KLF12: variants seen among roughly 807,000 people sequenced by gnomAD.
KLF12 encodes KLF transcription factor 12, also known as Krueppel-like factor 12.
Under a neutral mutation model 37.8 loss-of-function variants are expected in KLF12, and 9 were observed. That is an observed-to-expected ratio of 0.24 (90% CI 0.14 to 0.42). The LOEUF is 0.42. Among genes scored for constraint, KLF12 ranks in the 10% least tolerant of loss-of-function variants. KLF12 has a pLI of 1.00. For synonymous variants in KLF12, 208 were observed against 202.1 expected, an observed-to-expected ratio of 1.03 and a Z score of -0.25; for missense variants, 411 against 516.0, an observed-to-expected ratio of 0.80 and a Z score of 1.97.
At chr13:74,139,353 A>G in the KLF12 span, among the ~76,000 whole-genome samples, 1 of 152,210 alleles carries the variant, frequency 6.6e-6, no homozygotes, top group Non-Finnish European at 1.5e-5. Context: ...TGTTTTGCAC[A>G]TAGTAGGTGA....
chr13:74,249,337 C>CAA, the KLF12 span, among the ~76,000 whole-genome samples: 2 of 19,980 alleles, frequency 1.0e-4, no homozygotes, highest in Admixed American at 5.2e-4. Flanking sequence ...GCAGGAGCAT[C>CAA]ACACACACAC....
chr13:74,042,850 C>T (rs1893443277), intron 1 of KLF12, among the ~76,000 whole-genome samples: 1 of 152,092 alleles, frequency 6.6e-6, no homozygotes, highest in South Asian at 2.1e-4. Flanking sequence ...CAAATTAAAA[C>T]AGACAGCACA....
At chr13:73,899,105 C>G (rs767115352) in intron 3 of KLF12, among the ~76,000 whole-genome samples, 16 of 152,226 alleles carry the variant, frequency 1.1e-4, no homozygotes, top group Non-Finnish European at 2.1e-4. Context: ...AGGAGGCCCC[C>G]CAGTTGGGGC....
intron 6 of KLF12, 43 bp from the exon 7 acceptor site, chr13:73,715,568 G>GC (rs36125333): frequency 6.3e-7 from 1 of 1,593,192 alleles, no homozygotes; most frequent in South Asian, 1.1e-5. Context: ...GATGCACACC[G>GC]CCCCATTTTG....
At chr13:73,920,270 T>A (rs1240559469) in intron 3 of KLF12, among the ~76,000 whole-genome samples, 2 of 152,162 alleles carry the variant, frequency 1.3e-5, no homozygotes, top group Non-Finnish European at 2.9e-5. Context: ...TGCATAAACA[T>A]ACACATATGT....
At chr13:73,716,963 C>A (rs182801420) in intron 6 of KLF12, among the ~76,000 whole-genome samples, 6 of 152,110 alleles carry the variant, frequency 3.9e-5, no homozygotes, top group South Asian at 2.1e-4. Flanking sequence ...CATAAAGTAA[C>A]GGTGCATTTT....
chr13:73,939,590 A>G (rs1890099273), intron 3 of KLF12, among the ~76,000 whole-genome samples: 1 of 152,310 alleles, frequency 6.6e-6, no homozygotes, highest in Non-Finnish European at 1.5e-5. Context: ...AATCTCTACT[A>G]GATACTTCAT....
intron 5 of KLF12, among the ~76,000 whole-genome samples, chr13:73,770,604 C>A (rs1037413505): frequency 1.3e-5 from 2 of 151,574 alleles, no homozygotes; most frequent in African/African-American, 2.4e-5. Flanking sequence ...CTCACTGAAA[C>A]CTCTGCCTCC....
chr13:73,820,271 C>T (rs1218972888), intron 4 of KLF12, among the ~76,000 whole-genome samples: 1 of 152,170 alleles, frequency 6.6e-6, no homozygotes, highest in Non-Finnish European at 1.5e-5. Context: ...GCTGGCTGCA[C>T]ACAGAATCAG....
At chr13:73,758,231 A>T (rs113244923) in intron 6 of KLF12, among the ~76,000 whole-genome samples, 2,001 of 152,204 alleles carry the variant, frequency 0.013, 21 homozygotes, top group South Asian at 0.039. Context: ...GACAACTTTA[A>T]AAGGAAGAGG....
At chr13:74,251,180 C>T in the KLF12 span, among the ~76,000 whole-genome samples, 1 of 151,982 alleles carries the variant, frequency 6.6e-6, no homozygotes, top group Non-Finnish European at 1.5e-5. Context: ...GAGATGGAGT[C>T]TAATTCTATC....
the KLF12 span, among the ~76,000 whole-genome samples, chr13:74,164,988 A>G: frequency 6.6e-6 from 1 of 152,222 alleles, no homozygotes; most frequent in Admixed American, 6.5e-5. Context: ...AGTATTTGAT[A>G]GCACAACAGG....
At chr13:73,905,773 G>A (rs571948330) in intron 3 of KLF12, among the ~76,000 whole-genome samples, 1 of 149,704 alleles carries the variant, frequency 6.7e-6, no homozygotes, top group East Asian at 1.9e-4. Context: ...TCCATCAGAA[G>A]TTTTTAAATG....
intron 5 of KLF12, among the ~76,000 whole-genome samples, chr13:73,774,438 G>A (rs1461489840): frequency 1.3e-5 from 2 of 151,990 alleles, no homozygotes; most frequent in South Asian, 2.1e-4. Flanking sequence ...ACCTGCATCG[G>A]CCCACACCTG....
the KLF12 span, among the ~76,000 whole-genome samples, chr13:74,150,324 T>A: frequency 6.6e-6 from 1 of 152,312 alleles, no homozygotes; most frequent in Middle Eastern, 3.4e-3. Flanking sequence ...GTCTCCCTTA[T>A]CTGAGGGGAA....
At chr13:73,816,257 C>T (rs1883209786) in intron 4 of KLF12, among the ~76,000 whole-genome samples, 1 of 152,204 alleles carries the variant, frequency 6.6e-6, no homozygotes, top group Admixed American at 6.5e-5. Flanking sequence ...TTAGGAAGGA[C>T]TGATTCTCTG....
At chr13:74,200,454 T>A in the KLF12 span, among the ~76,000 whole-genome samples, 1 of 152,108 alleles carries the variant, frequency 6.6e-6, no homozygotes, top group African/African-American at 2.4e-5. Context: ...TGGAAGGGTT[T>A]AAAGATGGAA....
At chr13:74,279,628 G>T in the KLF12 span, among the ~76,000 whole-genome samples, 1 of 151,888 alleles carries the variant, frequency 6.6e-6, no homozygotes, top group African/African-American at 2.4e-5. Flanking sequence ...CACAGTAATG[G>T]GAACATCAGT....
rs144623624 is a variant in KLF12, at chr13:74,062,368, T to G, written c.-31-67315A>C. Among the ~76,000 whole-genome samples, 177 of 152,348 alleles carry G rather than the reference T, an allele frequency of 1.2e-3. 1 individual carries two copies. Among genetic ancestry groups the G allele is most frequent in the Non-Finnish European group, 1.7e-3 (119 of 68,036 alleles). On this transcript the variant is annotated intron_variant, in intron 1 of 7. Transcript: ENST00000377669. ...TTCTAAGTCTCTAAAGGGATGAAGC[T>G]GTGTACACTTTTAGATCGTTTCGGA...
Sources: gnomAD v4.1 joint callset for allele counts (sites outside exome capture counted in the v4.1 genomes callset) on GRCh38, gnomAD v4.1.1 for gene constraint, MANE v1.5 for transcripts, NCBI Gene and HGNC (gene_info 2026-07-23, HGNC 2026-07-21) for gene names.